Variants in ROCK2 observed in about 807,000 individuals in gnomAD.
The protein encoded by ROCK2 is rho-associated protein kinase 2.
Under a neutral mutation model 195.1 loss-of-function variants are expected in ROCK2, and 61 were observed. That is an observed-to-expected ratio of 0.31 (90% CI 0.25 to 0.39). The LOEUF is 0.39. Ranked by LOEUF, ROCK2 falls within the 10% of genes least tolerant of loss-of-function variation. ROCK2 has a pLI of 1.00. For missense variants in ROCK2, 1,109 were observed against 1,637.4 expected (o/e 0.68, Z 5.57); for synonymous variants, 504 against 545.5 (o/e 0.92, Z 1.06).
intron 32 of ROCK2, among the ~76,000 whole-genome samples, chr2:11,186,524 G>C (rs1173134849): frequency 6.6e-6 from 1 of 152,076 alleles, no homozygotes; most frequent in Non-Finnish European, 1.5e-5. Flanking sequence ...TCCAAATCCA[G>C]GTTTATTTTC....
At chr2:11,215,266 G>T in intron 15 of ROCK2, 55 bp downstream of exon 15, 1 of 1,438,632 alleles carries the variant, frequency 7.0e-7, no homozygotes, top group Non-Finnish European at 9.4e-7. Context: ...TAAAACTAAT[G>T]TTATCGCGTT....
intron 2 of ROCK2, 65 bp from the exon 3 acceptor site, chr2:11,286,704 TTATAAA>T (rs1206626799): frequency 4.3e-6 from 4 of 940,644 alleles, no homozygotes; most frequent in Non-Finnish European, 6.3e-6. Flanking sequence ...TAATCAACAT[TTATAAA>T]TATATTTTTG....
intron 1 of ROCK2, 56 bp downstream of exon 1, chr2:11,343,940 G>A (rs770677509): frequency 1.6e-4 from 249 of 1,547,946 alleles, no homozygotes; most frequent in South Asian, 2.4e-4. Context: ...GCTGGGCGGA[G>A]AGGGGATCTG....
At chr2:11,293,231 C>G (rs1228675130) in intron 1 of ROCK2, among the ~76,000 whole-genome samples, 1 of 152,134 alleles carries the variant, frequency 6.6e-6, no homozygotes, top group Non-Finnish European at 1.5e-5. Flanking sequence ...AAATTGAGGA[C>G]GGCTAAGTCA....
rs1336676692 is a variant in ROCK2, at chr2:11,182,741, T to C, written c.*696A>G. 6.6e-6 allele frequency: 1 copy of C among 152,562 alleles called. No individual in the cohort carries two copies. The highest frequency in any genetic ancestry group is 6.5e-5 in the Admixed American group (1 of 15,280). The allele number at this position is 152,562 out of a possible 1,614,324, so 9.5% of individuals were successfully genotyped here. A position where few individuals can be genotyped will look rare whatever the true frequency, so the allele number is the denominator to read the frequency against. ...TGCCTATCATGAAGCATTAGGAAAC[T>C]GATATAATTAACTTTAAACTTCTTG... is the stretch of plus-strand genomic sequence containing the variant. On this transcript the variant is annotated 3_prime_UTR_variant, in exon 33 of 33. Coordinates refer to ENST00000315872, the MANE Select transcript of ROCK2 (RefSeq NM_004850.5).
chr2:11,238,937 T>C (rs577377323), intron 4 of ROCK2, among the ~76,000 whole-genome samples: 14 of 152,178 alleles, frequency 9.2e-5, no homozygotes, highest in African/African-American at 2.9e-4. Context: ...ATCAATAAAT[T>C]TGTTGACAAA....
chr2:11,283,975 T>C (rs1239856422), intron 3 of ROCK2, among the ~76,000 whole-genome samples: 1 of 152,218 alleles, frequency 6.6e-6, no homozygotes, highest in Non-Finnish European at 1.5e-5. Flanking sequence ...CTATAGTGCT[T>C]TACTCATAAT....
At chr2:11,222,687 A>G (rs1664677686) in intron 7 of ROCK2, among the ~76,000 whole-genome samples, 2 of 152,138 alleles carry the variant, frequency 1.3e-5, no homozygotes, top group Non-Finnish European at 1.5e-5. Flanking sequence ...TTCTGCATAT[A>G]TGAAAAATGT....
intron 1 of ROCK2, among the ~76,000 whole-genome samples, chr2:11,289,978 T>G (rs774892891): frequency 2.0e-5 from 3 of 152,222 alleles, no homozygotes; most frequent in Non-Finnish European, 4.4e-5. Context: ...GTAGCATCAA[T>G]TTTTAATGAT....
chr2:11,285,261 TAAAAAAAAA>T (rs35144359), intron 3 of ROCK2, among the ~76,000 whole-genome samples: 1 of 117,246 alleles, frequency 8.5e-6, no homozygotes, highest in Admixed American at 8.8e-5. Context: ...AAACTCTGTC[TAAAAAAAAA>T]AAAAAAAAAA....
chr2:11,208,742 G>T (rs1236539861), intron 18 of ROCK2, among the ~76,000 whole-genome samples: 2 of 151,646 alleles, frequency 1.3e-5, no homozygotes, highest in Non-Finnish European at 2.9e-5. Flanking sequence ...ACAGGCGTGT[G>T]CCACCACACC....
intron 9 of ROCK2, among the ~76,000 whole-genome samples, chr2:11,219,385 C>T (rs1315612950): frequency 6.8e-6 from 1 of 147,400 alleles, no homozygotes; most frequent in East Asian, 2.0e-4. Context: ...GTGGTGGACA[C>T]CTGTAGTACC....
chr2:11,283,567 C>CAA (rs1456842952), intron 3 of ROCK2, among the ~76,000 whole-genome samples: 613 of 55,104 alleles, frequency 0.011, 16 homozygotes, highest in African/African-American at 0.027. Flanking sequence ...GACTCCGTCT[C>CAA]AAAAAAAAAA....
intron 3 of ROCK2, among the ~76,000 whole-genome samples, chr2:11,251,708 T>C (rs62121451): frequency 6.6e-6 from 1 of 151,998 alleles, no homozygotes; most frequent in Non-Finnish European, 1.5e-5. Context: ...AAAGAAACTA[T>C]CATCAGAGTG....
chr2:11,309,605 A>T (rs1417123768), intron 1 of ROCK2, among the ~76,000 whole-genome samples: 1 of 152,192 alleles, frequency 6.6e-6, no homozygotes, highest in African/African-American at 2.4e-5. Flanking sequence ...TCCACCAAAA[A>T]ATTGTTTTAA....
chr2:11,263,669 AC>A (rs749940790), intron 3 of ROCK2, among the ~76,000 whole-genome samples: 5,853 of 149,828 alleles, frequency 0.039, 209 homozygotes, highest in Non-Finnish European at 0.059. Context: ...ACACACACAC[AC>A]ACAAAAAAAA....
intron 17 of ROCK2, among the ~76,000 whole-genome samples, chr2:11,213,273 T>A (rs1664308427): frequency 6.6e-6 from 1 of 152,172 alleles, no homozygotes; most frequent in South Asian, 2.1e-4. Flanking sequence ...TTAATGTACC[T>A]CTAATAAGAT....
chr2:11,334,703 A>G (rs1456890546), intron 1 of ROCK2, among the ~76,000 whole-genome samples: 1 of 140,678 alleles, frequency 7.1e-6, no homozygotes, highest in Non-Finnish European at 1.6e-5. Flanking sequence ...GCAGGTAATT[A>G]AGACAATACC....
At chr2:11,342,733 G>A (rs192692071) in intron 1 of ROCK2, among the ~76,000 whole-genome samples, 1 of 152,200 alleles carries the variant, frequency 6.6e-6, no homozygotes, top group African/African-American at 2.4e-5. Flanking sequence ...TAAAACATAG[G>A]AACAACACAT....
Sources: gnomAD v4.1 joint callset for allele counts (sites outside exome capture counted in the v4.1 genomes callset) on GRCh38, gnomAD v4.1.1 for gene constraint, MANE v1.5 for transcripts, NCBI Gene and HGNC (gene_info 2026-07-23, HGNC 2026-07-21) for gene names.